The following SUPT3H variants were observed in gnomAD, a reference collection of about 807,000 sequenced individuals.
SUPT3H encodes the protein transcription initiation protein SPT3 homolog.
A neutral mutation model predicts 44.3 loss-of-function variants in SUPT3H; 44 were observed. The ratio of observed to expected loss-of-function variants is 0.99; its 90% confidence interval spans 0.78 to 1.28. SUPT3H has a LOEUF of 1.28. Among genes scored for constraint, SUPT3H ranks in the 50% most tolerant of loss-of-function variants. The pLI is 0.00. For synonymous variants in SUPT3H, 124 were observed against 125.6 expected, an observed-to-expected ratio of 0.99 and a Z score of 0.09; for missense variants, 380 against 387.1, an observed-to-expected ratio of 0.98 and a Z score of 0.15.
chr6:45,112,698 C>G (rs1800246740), intron 2 of SUPT3H, among the ~76,000 whole-genome samples: 1 of 152,062 alleles, frequency 6.6e-6, no homozygotes, highest in Admixed American at 6.5e-5. Flanking sequence ...GAAAAAGAAG[C>G]AAAGGGGATA....
intron 2 of SUPT3H, among the ~76,000 whole-genome samples, chr6:45,318,123 T>C (rs967271635): frequency 6.6e-6 from 1 of 152,074 alleles, no homozygotes; most frequent in Non-Finnish European, 1.5e-5. Context: ...GAAAAGGCAA[T>C]ACTATAGACA....
chr6:45,053,966 G>A (rs1790730753), intron 3 of SUPT3H, among the ~76,000 whole-genome samples: 1 of 150,214 alleles, frequency 6.7e-6, no homozygotes, highest in African/African-American at 2.5e-5. Flanking sequence ...CTTCTCCCCT[G>A]AAGACCATCA....
chr6:45,042,739 A>G (rs1222746342), intron 3 of SUPT3H, among the ~76,000 whole-genome samples: 1 of 152,116 alleles, frequency 6.6e-6, no homozygotes, highest in African/African-American at 2.4e-5. Context: ...CAGCAATCCC[A>G]TTACTGGGTA....
chr6:45,227,142 C>A (rs1767098785), intron 2 of SUPT3H, among the ~76,000 whole-genome samples: 1 of 151,328 alleles, frequency 6.6e-6, no homozygotes, highest in African/African-American at 2.4e-5. Flanking sequence ...AATGCCCAGC[C>A]AAAATTATCA....
chr6:44,963,184 C>T (rs867806109), intron 6 of SUPT3H, among the ~76,000 whole-genome samples: 2 of 151,798 alleles, frequency 1.3e-5, no homozygotes, highest in South Asian at 4.2e-4. Context: ...ATGTAAACAT[C>T]TTCTTGTGCA....
chr6:45,302,928 A>C (rs1782386287), intron 2 of SUPT3H, among the ~76,000 whole-genome samples: 1 of 152,076 alleles, frequency 6.6e-6, no homozygotes, highest in Non-Finnish European at 1.5e-5. Flanking sequence ...TTAAATAGGC[A>C]CAGGACCAAT....
intron 10 of SUPT3H, among the ~76,000 whole-genome samples, chr6:44,901,151 C>CAAA (rs1278978659): frequency 1.9e-5 from 2 of 106,698 alleles, no homozygotes; most frequent in Non-Finnish European, 5.2e-5. Context: ...TCCTCACCAG[C>CAAA]AACAGAACAA....
chr6:44,944,172 C>T (rs536827949), intron 9 of SUPT3H, among the ~76,000 whole-genome samples: 8 of 151,976 alleles, frequency 5.3e-5, no homozygotes, highest in African/African-American at 1.7e-4. Context: ...AAGAGTCTTA[C>T]ATTTTATGTG....
At position 45,158,294 on chromosome 6, in the gene SUPT3H, A is replaced by ATTTTTT. The variant is rs1554266490; in HGVS notation, c.102-52289_102-52288insAAAAAA. ...AATATACATATATATATATATATAT[A>ATTTTTT]TATATTTTTTTTTTTTTTTTTTTGA... On this transcript the variant is annotated intron_variant, in intron 2 of 10. Transcript: ENST00000371459. Among the ~76,000 whole-genome samples, 24 of 30,530 alleles carry ATTTTTT rather than the reference A, an allele frequency of 7.9e-4. 1 individual carries two copies. The highest frequency in any genetic ancestry group is 1.4e-3 in the Non-Finnish European group (22 of 16,226). 20.0% of individuals were successfully genotyped at this position (30,530 alleles called of 152,430 possible).
At chr6:45,123,186 G>A (rs1801917208) in intron 2 of SUPT3H, among the ~76,000 whole-genome samples, 1 of 152,100 alleles carries the variant, frequency 6.6e-6, no homozygotes, top group Admixed American at 6.5e-5. Flanking sequence ...TGAAGGCTGA[G>A]GAATGCAAAT....
intron 3 of SUPT3H, among the ~76,000 whole-genome samples, chr6:45,034,772 C>G (rs1165034628): frequency 2.0e-5 from 3 of 152,052 alleles, no homozygotes; most frequent in South Asian, 2.1e-4. Context: ...TTGTAAAAAC[C>G]TTGTTAGGTG....
At chr6:44,919,880 T>C (rs189175009) in intron 10 of SUPT3H, among the ~76,000 whole-genome samples, 90 of 152,236 alleles carry the variant, frequency 5.9e-4, no homozygotes, top group Middle Eastern at 3.4e-3. Flanking sequence ...CTTTTTCTTT[T>C]TTCTTTTTTA....
intron 10 of SUPT3H, among the ~76,000 whole-genome samples, chr6:44,884,661 C>T (rs376625428): frequency 5.3e-5 from 8 of 152,150 alleles, no homozygotes; most frequent in East Asian, 3.9e-4. Flanking sequence ...GGAACAGCTC[C>T]GGTCTACAGC....
At chr6:45,008,793 T>G (rs188115129) in intron 5 of SUPT3H, among the ~76,000 whole-genome samples, 88 of 152,216 alleles carry the variant, frequency 5.8e-4, no homozygotes, top group Middle Eastern at 3.4e-3. Context: ...CAGGCTGGTG[T>G]GCAATGGCAC....
chr6:44,968,648 T>C (rs1777119363), intron 6 of SUPT3H, among the ~76,000 whole-genome samples: 1 of 152,146 alleles, frequency 6.6e-6, no homozygotes, highest in Admixed American at 6.6e-5. Context: ...AACAGCTTCC[T>C]AGCTTTCACA....
intron 6 of SUPT3H, among the ~76,000 whole-genome samples, chr6:44,998,850 T>C (rs1172974999): frequency 6.6e-6 from 1 of 152,022 alleles, no homozygotes; most frequent in Non-Finnish European, 1.5e-5. Flanking sequence ...TGGTTTATTT[T>C]CATTATTTCC....
At chr6:45,238,996 G>A (rs970908144) in intron 2 of SUPT3H, among the ~76,000 whole-genome samples, 1 of 152,154 alleles carries the variant, frequency 6.6e-6, no homozygotes, top group African/African-American at 2.4e-5. Context: ...TTTTACAGAT[G>A]GGTCCAGTAA....
At chr6:45,317,587 A>C (rs1373057888) in intron 2 of SUPT3H, among the ~76,000 whole-genome samples, 2 of 152,122 alleles carry the variant, frequency 1.3e-5, no homozygotes, top group East Asian at 3.8e-4. Context: ...ACACAAAATG[A>C]GGGAAGGATA....
intron 3 of SUPT3H, among the ~76,000 whole-genome samples, chr6:45,032,974 G>A (rs929895844): frequency 1.3e-5 from 2 of 152,164 alleles, no homozygotes; most frequent in Non-Finnish European, 2.9e-5. Context: ...ACAGGCACAG[G>A]AAGTAGAGTA....
Sources: gnomAD v4.1 joint callset for allele counts (sites outside exome capture counted in the v4.1 genomes callset) on GRCh38, gnomAD v4.1.1 for gene constraint, MANE v1.5 for transcripts, NCBI Gene and HGNC (gene_info 2026-07-23, HGNC 2026-07-21) for gene names.